APPBP2: variants seen among roughly 807,000 people sequenced by gnomAD.
APPBP2 encodes the protein amyloid protein-binding protein 2.
Under a neutral mutation model 76.0 loss-of-function variants are expected in APPBP2, and 15 were observed. The ratio of observed to expected loss-of-function variants is 0.20; its 90% CI spans 0.13 to 0.30. The LOEUF is 0.30. APPBP2 is among the 10% of genes least tolerant of loss of function. The pLI is 1.00. For synonymous variants in APPBP2, 222 were observed against 242.2 expected, an observed-to-expected ratio of 0.92 and a Z score of 0.77; for missense variants, 401 against 687.2, an observed-to-expected ratio of 0.58 and a Z score of 4.66.
At position 60,479,216 on chromosome 17, in the gene APPBP2, G is replaced by C. The variant is rs150922315; in HGVS notation, c.435C>G (p.Ser145=). 315 of 1,613,762 alleles carry C rather than the reference G, an allele frequency of 2.0e-4. No homozygotes were observed. The highest frequency in any genetic ancestry group is 1.9e-4 in the Non-Finnish European group (223 of 1,179,868). ...CGTGTAGAGTACACAACTGAAGGCA[G>C]GACAGAAAAACTTTCTCAGCATCAC... ...WYSDAEKVFL[S]CLQLCTLHDE... Residue 145 remains serine (S), a synonymous_variant, in exon 4 of 13, where the codon TCC becomes TCG. Transcript: ENST00000083182.
chr17:60,458,770 G>GT lies in APPBP2; in HGVS notation c.1061+1892dup, dbSNP rs1039631344. ...CAGCATCAACCAAAAAGAAGTTCTG[G>GT]TTTTTTTTTTTGTTTTTTTTTTTGA... On this transcript the variant is annotated intron_variant, in intron 9 of 12. Coordinates refer to ENST00000083182, the MANE Select transcript of APPBP2 (RefSeq NM_006380.5). Among the ~76,000 whole-genome samples the GT allele has an allele frequency of 7.2e-3, 1,014 of 140,708 alleles. 10 individuals are homozygous for GT. Among genetic ancestry groups the GT allele is most frequent in the Admixed American group, 6.4e-3 (93 of 14,422 alleles). The allele number at this position is 140,708 out of a possible 152,430, so 92.3% of individuals were successfully genotyped here. A position where few individuals can be genotyped will look rare whatever the true frequency, so the allele number is the denominator to read the frequency against.
At chr17:60,511,683 C>T (rs2090915115) in intron 1 of APPBP2, among the ~76,000 whole-genome samples, 1 of 151,854 alleles carries the variant, frequency 6.6e-6, no homozygotes, top group South Asian at 2.1e-4. Context: ...CTTGTTTCCT[C>T]TGATTTCAGC....
chr17:60,525,440 G>A (rs368754607), intron 1 of APPBP2, among the ~76,000 whole-genome samples: 4 of 152,194 alleles, frequency 2.6e-5, no homozygotes, highest in African/African-American at 9.7e-5. Flanking sequence ...TAATTGGAAG[G>A]AGAGGATGGA....
intron 3 of APPBP2, among the ~76,000 whole-genome samples, chr17:60,484,519 G>C (rs2090657197): frequency 1.3e-5 from 2 of 151,578 alleles, no homozygotes; most frequent in Admixed American, 1.3e-4. Flanking sequence ...TCATAATTTG[G>C]CTGTTTATGT....
chr17:60,477,963 A>G (rs764968893), intron 4 of APPBP2, among the ~76,000 whole-genome samples: 79 of 152,044 alleles, frequency 5.2e-4, no homozygotes, highest in Non-Finnish European at 1.0e-3. Flanking sequence ...GATACAGCAA[A>G]ACACCATTTC....
Position 60,464,122 on chromosome 17 carries a change from A to T in APPBP2, c.673-12T>A. ...CACCATTTGTATGCCTAAAAAAATT[A>T]TTTATAGAAGAGACAGAACTGTGGT... On this transcript the variant is annotated splice_polypyrimidine_tract_variant and intron_variant, in intron 5 of 12. Transcript: ENST00000083182. 1 of 1,595,278 alleles carries T rather than the reference A, an allele frequency of 6.3e-7. No individual in the cohort carries two copies. The highest frequency in any genetic ancestry group is 8.6e-7 in the Non-Finnish European group (1 of 1,168,738).
intron 1 of APPBP2, among the ~76,000 whole-genome samples, chr17:60,501,709 T>C (rs966061525): frequency 3.9e-5 from 6 of 152,194 alleles, no homozygotes; most frequent in African/African-American, 1.2e-4. Flanking sequence ...TTTGACTTTA[T>C]ATTACAGGCA....
intron 12 of APPBP2, among the ~76,000 whole-genome samples, chr17:60,450,464 T>C (rs900490239): frequency 7.0e-6 from 1 of 143,068 alleles, no homozygotes; most frequent in Non-Finnish European, 1.5e-5. Context: ...AAAATACTGA[T>C]GCATCTGATT....
Position 60,444,904 on chromosome 17 carries a change from T to G in APPBP2, c.*2677A>C, listed in dbSNP as rs1179553088. The G allele has an allele frequency of 6.6e-6, 1 of 152,338 alleles. No homozygotes were observed. The highest frequency in any genetic ancestry group is 1.9e-4 in the East Asian group (1 of 5,192). 9.4% of individuals were successfully genotyped at this position (152,338 alleles called of 1,614,324 possible). On this transcript the variant is annotated 3_prime_UTR_variant, in exon 13 of 13. Transcript: ENST00000083182. ...CTGAACCTCCAGAAAAATCTTTAAG[T>G]TGGCCAGGGCTTCCTTACGCACCTC...
intron 3 of APPBP2, among the ~76,000 whole-genome samples, chr17:60,484,537 G>T (rs967471326): frequency 1.3e-5 from 2 of 152,082 alleles, no homozygotes; most frequent in Admixed American, 1.3e-4. Context: ...TGTGTTATTG[G>T]TGCATAAGAA....
At chr17:60,469,914 A>G (rs1020949167) in intron 4 of APPBP2, among the ~76,000 whole-genome samples, 2 of 152,214 alleles carry the variant, frequency 1.3e-5, no homozygotes, top group Admixed American at 6.5e-5. Flanking sequence ...GCTGAGTCAT[A>G]CAGTAATTCT....
At chr17:60,488,147 G>A (rs1378256747) in intron 3 of APPBP2, among the ~76,000 whole-genome samples, 1 of 152,214 alleles carries the variant, frequency 6.6e-6, no homozygotes, top group Non-Finnish European at 1.5e-5. Context: ...ACTGGGAGGT[G>A]TCTCACAGTT....
chr17:60,474,968 G>A (rs1023582994), intron 4 of APPBP2, among the ~76,000 whole-genome samples: 3 of 151,796 alleles, frequency 2.0e-5, no homozygotes, highest in South Asian at 2.1e-4. Flanking sequence ...AGTGGCTCAC[G>A]TCTGTAATCC....
At chr17:60,505,250 CTCATA>C (rs2090857049) in intron 1 of APPBP2, among the ~76,000 whole-genome samples, 1 of 152,216 alleles carries the variant, frequency 6.6e-6, no homozygotes, top group African/African-American at 2.4e-5. Context: ...AAAAAAGTAA[CTCATA>C]TCATGCCATT....
At chr17:60,488,722 G>C (rs73990470) in intron 3 of APPBP2, among the ~76,000 whole-genome samples, 2,261 of 152,252 alleles carry the variant, frequency 0.015, 49 homozygotes, top group African/African-American at 0.05. Flanking sequence ...ATTGGCATAA[G>C]TAGATGTGGA....
At chr17:60,520,860 C>G (rs1267305143) in intron 1 of APPBP2, among the ~76,000 whole-genome samples, 2 of 152,094 alleles carry the variant, frequency 1.3e-5, no homozygotes, top group East Asian at 3.9e-4. Context: ...CCACACCTGG[C>G]CATAAACTTC....
intron 1 of APPBP2, among the ~76,000 whole-genome samples, chr17:60,511,360 G>A (rs1204027214): frequency 1.3e-5 from 2 of 152,118 alleles, no homozygotes; most frequent in Admixed American, 1.3e-4. Flanking sequence ...GCCGAGGTGG[G>A]TGGATCATGA....
chr17:60,510,769 T>C (rs919072601), intron 1 of APPBP2, among the ~76,000 whole-genome samples: 2 of 152,204 alleles, frequency 1.3e-5, no homozygotes, highest in Non-Finnish European at 1.5e-5. Flanking sequence ...TATTAGAATA[T>C]TGATATTCCT....
intron 10 of APPBP2, among the ~76,000 whole-genome samples, chr17:60,455,854 T>C (rs947269602): frequency 2.6e-5 from 4 of 151,924 alleles, no homozygotes; most frequent in African/African-American, 9.7e-5. Context: ...CTTGGCTCAC[T>C]GCAACCTCTG....
Sources: gnomAD v4.1 joint callset for allele counts (sites outside exome capture counted in the v4.1 genomes callset) on GRCh38, gnomAD v4.1.1 for gene constraint, MANE v1.5 for transcripts, NCBI Gene and HGNC (gene_info 2026-07-23, HGNC 2026-07-21) for gene names.